The following LIFR variants were observed in gnomAD, a reference collection of about 807,000 sequenced individuals.
LIFR encodes LIF receptor subunit alpha, also known as leukemia inhibitory factor receptor.
A neutral mutation model predicts 122.2 loss-of-function variants in LIFR; 84 were observed. The ratio of observed to expected loss-of-function variants is 0.69; its 90% CI spans 0.58 to 0.82. The LOEUF is 0.82. Among genes scored for constraint, LIFR ranks in the 40% least tolerant of loss-of-function variants. The pLI is 0.00. For synonymous variants in LIFR, 422 were observed against 434.7 expected (o/e 0.97, Z 0.36); for missense variants, 1,294 against 1,311.6 (o/e 0.99, Z 0.21).
chr5:38,501,981 G>GT (rs201985430), intron 11 of LIFR, among the ~76,000 whole-genome samples: 45,173 of 141,482 alleles, frequency 0.32, 7,110 homozygotes, highest in East Asian at 0.45. Flanking sequence ...TTTAGTAATT[G>GT]TTTTTTTTTT....
At chr5:38,508,868 G>A (rs1216733974) in intron 7 of LIFR, among the ~76,000 whole-genome samples, 1 of 152,210 alleles carries the variant, frequency 6.6e-6, no homozygotes, top group Admixed American at 6.5e-5. Context: ...ACAGGCGTAA[G>A]CCACCACACC....
intron 10 of LIFR, 35 bp from the exon 11 acceptor site, chr5:38,502,834 A>G: frequency 8.2e-7 from 1 of 1,217,414 alleles, no homozygotes; most frequent in Non-Finnish European, 1.1e-6. Flanking sequence ...ATATATGTAT[A>G]TATTATGTGT....
intron 1 of LIFR, among the ~76,000 whole-genome samples, chr5:38,562,967 C>G (rs1275224593): frequency 6.6e-6 from 1 of 152,140 alleles, no homozygotes; most frequent in East Asian, 1.9e-4. Flanking sequence ...CCAGGGTTTT[C>G]TTCGGGTACC....
At chr5:38,559,814 G>T (rs374854007), upstream of LIFR, among the ~76,000 whole-genome samples, 41 of 152,178 alleles carry the variant, frequency 2.7e-4, no homozygotes, top group East Asian at 7.7e-4. Context: ...ATTATTTTGT[G>T]CTAAACGTCT....
At chr5:38,493,826 AATAAT>A in intron 13 of LIFR, 41 bp from the exon 14 acceptor site, 5 of 1,522,492 alleles carry the variant, frequency 3.3e-6, no homozygotes, top group Non-Finnish European at 4.6e-6. Flanking sequence ...CATTAAAAAC[AATAAT>A]ATAAGGCAAA....
upstream of LIFR, among the ~76,000 whole-genome samples, chr5:38,560,770 G>A (rs145113405): frequency 0.021 from 3,218 of 151,782 alleles, 74 homozygotes; most frequent in Admixed American, 0.053. Flanking sequence ...TAATTTTTTT[G>A]TATTTTTAGT....
intron 1 of LIFR, chr5:38,530,869 G>A (rs1160650906): frequency 2.1e-5 from 11 of 521,914 alleles, no homozygotes; most frequent in East Asian, 1.9e-4. Context: ...TATCTACTAC[G>A]AGGCCAATTT....
intron 14 of LIFR, 42 bp from the exon 15 acceptor site, chr5:38,490,333 C>A: frequency 1.2e-6 from 1 of 819,990 alleles, no homozygotes; most frequent in Non-Finnish European, 2.1e-6. Context: ...AAATATATTA[C>A]TATGAATATC....
chr5:38,603,415 G>T (rs1429113582), intron 2 of LIFR, among the ~76,000 whole-genome samples: 1 of 152,158 alleles, frequency 6.6e-6, no homozygotes, highest in Admixed American at 6.5e-5. Context: ...AGAATCTGTG[G>T]TCAAATAAAT....
At chr5:38,574,472 G>A (rs1328188767) in intron 1 of LIFR, among the ~76,000 whole-genome samples, 1 of 152,148 alleles carries the variant, frequency 6.6e-6, no homozygotes, top group Non-Finnish European at 1.5e-5. Context: ...TGAGGACAAG[G>A]ACACTTTTTT....
Position 38,502,858 on chromosome 5 carries a change from T to C in LIFR, c.1438-59A>G, listed in dbSNP as rs575476130. On this transcript the variant is annotated intron_variant, in intron 10 of 19. Coordinates refer to ENST00000453190, the MANE Select transcript of LIFR (RefSeq NM_001127671.2). The stretch of plus-strand genomic sequence containing the variant: ...TATATTATGTGTATGAATACATATA[T>C]ATATACATACACATACATACACTTT... The C allele has an allele frequency of 4.0e-6, 4 of 1,001,018 alleles. No individual in the cohort carries two copies. In the African/African-American group the frequency reaches 4.9e-5, roughly 12 times the overall value. 62.0% of individuals were successfully genotyped at this position (1,001,018 alleles called of 1,614,324 possible). A position where few individuals can be genotyped will look rare whatever the true frequency, so the allele number is the denominator to read the frequency against.
At chr5:38,514,299 A>C (rs1745960660) in intron 5 of LIFR, among the ~76,000 whole-genome samples, 2 of 152,144 alleles carry the variant, frequency 1.3e-5, no homozygotes, top group Non-Finnish European at 2.9e-5. Context: ...TTAGACTGAC[A>C]GGGGCCCAAT....
chr5:38,504,149 C>T (rs1312913336), intron 9 of LIFR, 28 bp from the exon 10 acceptor site: 2 of 1,407,802 alleles, frequency 1.4e-6, no homozygotes, highest in South Asian at 2.3e-5. Context: ...AAAGATTAAA[C>T]ACTTATTTAA....
chr5:38,556,834 C>G (rs1226667181), upstream of LIFR: 1 of 150,972 alleles, frequency 6.6e-6, no homozygotes, highest in Non-Finnish European at 1.5e-5. Flanking sequence ...CGCGACGGGC[C>G]CCGGACGCCG....
intron 18 of LIFR, among the ~76,000 whole-genome samples, chr5:38,484,454 C>T (rs1744167794): frequency 6.6e-6 from 1 of 152,214 alleles, no homozygotes; most frequent in African/African-American, 2.4e-5. Flanking sequence ...CAAGTGAGAT[C>T]TTAATCATTA....
chr5:38,491,521 G>C (rs1744592907), intron 14 of LIFR, among the ~76,000 whole-genome samples: 1 of 152,210 alleles, frequency 6.6e-6, no homozygotes, highest in African/African-American at 2.4e-5. Context: ...CGAGAAAGAA[G>C]ATAATGCCGG....
At chr5:38,539,200 C>T (rs371750865) in intron 1 of LIFR, among the ~76,000 whole-genome samples, 3 of 152,134 alleles carry the variant, frequency 2.0e-5, no homozygotes, top group South Asian at 2.1e-4. Context: ...CCGCCTGCCT[C>T]GGCCTCCCAA....
At chr5:38,522,338 G>T (rs1580105542) in intron 5 of LIFR, among the ~76,000 whole-genome samples, 1 of 152,114 alleles carries the variant, frequency 6.6e-6, no homozygotes, top group Non-Finnish European at 1.5e-5. Flanking sequence ...CCCTGCTTTA[G>T]GTGCTTCCTG....
intron 1 of LIFR, among the ~76,000 whole-genome samples, chr5:38,538,033 T>C (rs370660890): frequency 1.4e-4 from 21 of 152,300 alleles, no homozygotes; most frequent in South Asian, 1.2e-3. Flanking sequence ...TGCCTTCAAG[T>C]ACATTTAAGG....
Sources: gnomAD v4.1 joint callset for allele counts (sites outside exome capture counted in the v4.1 genomes callset) on GRCh38, gnomAD v4.1.1 for gene constraint, MANE v1.5 for transcripts, NCBI Gene and HGNC (gene_info 2026-07-23, HGNC 2026-07-21) for gene names.